Variants in ECPAS observed in about 807,000 individuals in gnomAD.
ECPAS encodes Ecm29 proteasome adaptor and scaffold.
Under a neutral mutation model 255.1 loss-of-function variants are expected in ECPAS, and 70 were observed. The observed-to-expected ratio is 0.27, with a 90% CI of 0.23 to 0.33. The LOEUF (loss-of-function observed/expected upper bound fraction) is 0.33, where lower values mean the gene tolerates loss of function less well. ECPAS is among the 10% of genes least tolerant of loss of function. The probability of loss-of-function intolerance (pLI) is 1.00; values close to 1 mark genes in which losing one functional copy is unlikely to be tolerated. For missense variants in ECPAS, 1,817 were observed against 2,206.4 expected (o/e 0.82, Z 3.54); for synonymous variants, 784 against 775.0 (o/e 1.01, Z -0.19).
chr9:111,435,808 T>C (rs2098237257), intron 7 of ECPAS, among the ~76,000 whole-genome samples: 1 of 150,796 alleles, frequency 6.6e-6, no homozygotes, highest in East Asian at 2.0e-4. Context: ...GCCTCCTGAA[T>C]AGCTGGGACT....
chr9:111,468,072 C>T (rs2098281663), intron 2 of ECPAS, among the ~76,000 whole-genome samples: 1 of 152,124 alleles, frequency 6.6e-6, no homozygotes, highest in Admixed American at 6.5e-5. Context: ...ACTGCTTGAA[C>T]CCAGGAGGCA....
intron 28 of ECPAS, among the ~76,000 whole-genome samples, chr9:111,392,361 C>A (rs2098161421): frequency 6.6e-6 from 1 of 152,192 alleles, no homozygotes; most frequent in African/African-American, 2.4e-5. Flanking sequence ...TGTGGTAGCA[C>A]ATGAAAAACT....
intron 12 of ECPAS, among the ~76,000 whole-genome samples, chr9:111,423,898 T>C (rs2131808519): frequency 6.6e-6 from 1 of 152,358 alleles, no homozygotes. Flanking sequence ...TTTATGTGTT[T>C]ATCCTAGGAT....
chr9:111,464,270 CAA>C (rs200787710), intron 2 of ECPAS, among the ~76,000 whole-genome samples: 14 of 124,148 alleles, frequency 1.1e-4, no homozygotes, highest in Admixed American at 8.3e-5. Flanking sequence ...CCATCTCTAC[CAA>C]AAAAAAAAAA....
intron 3 of ECPAS, 88 bp from the exon 4 acceptor site, chr9:111,444,582 G>C: frequency 2.3e-6 from 2 of 851,852 alleles, no homozygotes; most frequent in Non-Finnish European, 3.8e-6. Context: ...TGTTATCTAT[G>C]TTAGTGAATA....
chr9:111,419,689 ATATAAT>A (rs1251875034), intron 16 of ECPAS, among the ~76,000 whole-genome samples: 1 of 151,366 alleles, frequency 6.6e-6, no homozygotes, highest in African/African-American at 2.4e-5. Flanking sequence ...GTTTTTAGAT[ATATAAT>A]TATATTACAC....
At chr9:111,408,413 C>T (rs554031180) in intron 24 of ECPAS, among the ~76,000 whole-genome samples, 158 bp downstream of exon 24, 1 of 151,838 alleles carries the variant, frequency 6.6e-6, no homozygotes, top group South Asian at 2.1e-4. Context: ...CTATACCTAG[C>T]ACAGTGATGA....
chr9:111,451,096 G>A (rs574435238), intron 3 of ECPAS, among the ~76,000 whole-genome samples: 52 of 152,178 alleles, frequency 3.4e-4, no homozygotes, highest in African/African-American at 1.3e-3. Flanking sequence ...ATTAACTAAA[G>A]AATATTTTTG....
chr9:111,433,175 A>G (rs1181525793), intron 8 of ECPAS, 58 bp downstream of exon 8: 7 of 1,569,308 alleles, frequency 4.5e-6, no homozygotes, highest in Non-Finnish European at 5.2e-6. Flanking sequence ...AAATGTGTCA[A>G]GTAAGTTTTT....
At position 111,482,070 on chromosome 9, in the gene ECPAS, C is replaced by T. The variant is rs185333995; in HGVS notation, c.-83+2046G>A. ...ATGTACTCAATCCCACTGAACTGTA[C>T]ACTTAAAAAATGGCTAGGACGGGAA... is the stretch of plus-strand genomic sequence containing the variant. On this transcript the variant is annotated intron_variant, in intron 1 of 49. Transcript: ENST00000684092. 1.8e-4 allele frequency among the ~76,000 whole-genome samples: 28 copies of T among 152,270 alleles called. 2 individuals are homozygous for T. In the East Asian group the frequency reaches 5.2e-3, roughly 28 times the overall value.
intron 20 of ECPAS, among the ~76,000 whole-genome samples, chr9:111,413,583 G>A (rs924538404): frequency 1.3e-5 from 2 of 151,190 alleles, no homozygotes; most frequent in Non-Finnish European, 2.9e-5. Context: ...ACGGAAAGGA[G>A]ACATTTTACA....
intron 35 of ECPAS, among the ~76,000 whole-genome samples, chr9:111,379,747 T>C (rs1423843714): frequency 1.3e-5 from 2 of 152,238 alleles, no homozygotes; most frequent in East Asian, 1.9e-4. Context: ...ATTTTAACAA[T>C]GTTCACAGAA....
At chr9:111,428,383 G>C (rs896028386) in intron 9 of ECPAS, among the ~76,000 whole-genome samples, 1 of 151,816 alleles carries the variant, frequency 6.6e-6, no homozygotes, top group Non-Finnish European at 1.5e-5. Flanking sequence ...TAACATATTT[G>C]TTTACTCACA....
intron 35 of ECPAS, 88 bp from the exon 36 acceptor site, chr9:111,378,818 A>G (rs1024472918): frequency 9.2e-6 from 12 of 1,301,546 alleles, no homozygotes; most frequent in Non-Finnish European, 1.2e-5. Flanking sequence ...TCTGCAGTTC[A>G]CTGCATTAAA....
chr9:111,377,855 A>G (rs528130401), intron 36 of ECPAS, among the ~76,000 whole-genome samples: 42 of 152,070 alleles, frequency 2.8e-4, no homozygotes, highest in Admixed American at 2.6e-3. Context: ...TTAAAAAATG[A>G]CTCTGATCAG....
At chr9:111,450,820 TG>T (rs2098259321) in intron 3 of ECPAS, among the ~76,000 whole-genome samples, 1 of 152,036 alleles carries the variant, frequency 6.6e-6, no homozygotes, top group South Asian at 2.1e-4. Context: ...CCCAGCTACT[TG>T]GGAGGGTGAG....
Position 111,435,180 on chromosome 9 carries a change from C to T in ECPAS, c.708+1760G>A, listed in dbSNP as rs1048625458. Among the ~76,000 whole-genome samples the T allele has an allele frequency of 3.9e-5, 6 of 152,036 alleles. No individual in the cohort carries two copies. In the South Asian group the frequency reaches 1.0e-3, roughly 26 times the overall value. On this transcript the variant is annotated intron_variant, in intron 7 of 49. Coordinates refer to ENST00000684092, the MANE Select transcript of ECPAS (RefSeq NM_001364929.1). ...TCCCAAAGGGCTGGGATTACAGGCC[C>T]GAGCCACGACACCCAGCCCCTTAAT... is the stretch of plus-strand genomic sequence containing the variant.
intron 2 of ECPAS, 61 bp from the exon 3 acceptor site, chr9:111,451,616 A>C (rs926294111): frequency 1.6e-5 from 23 of 1,439,984 alleles, no homozygotes; most frequent in Non-Finnish European, 9.2e-7. Context: ...AAGACCAATT[A>C]TTTTTATAGC....
intron 49 of ECPAS, 96 bp from the exon 50 acceptor site, chr9:111,362,265 T>A: frequency 2.0e-6 from 2 of 1,018,710 alleles, no homozygotes; most frequent in Non-Finnish European, 2.8e-6. Flanking sequence ...AAGAAAAAAA[T>A]TTAAAAATAT....
Sources: gnomAD v4.1 joint callset for allele counts (sites outside exome capture counted in the v4.1 genomes callset) on GRCh38, gnomAD v4.1.1 for gene constraint, MANE v1.5 for transcripts, NCBI Gene and HGNC (gene_info 2026-07-23, HGNC 2026-07-21) for gene names.